The following ASAP1 variants were observed in gnomAD, a reference collection of about 807,000 sequenced individuals.
ASAP1 encodes arf-GAP with SH3 domain, ANK repeat and PH domain-containing protein 1.
In ASAP1, 43 loss-of-function variants were observed where a neutral mutation model predicts 145.2. The observed-to-expected ratio is 0.30, with a 90% confidence interval of 0.23 to 0.38. The LOEUF is 0.38. Among genes scored for constraint, ASAP1 ranks in the 10% least tolerant of loss-of-function variants. ASAP1 has a pLI of 1.00. For missense variants in ASAP1, 1,018 were observed against 1,355.3 expected (o/e 0.75, Z 3.91); for synonymous variants, 546 against 515.5 (o/e 1.06, Z -0.80).
chr8:130,255,516 T>C (rs1429374280), intron 3 of ASAP1, among the ~76,000 whole-genome samples: 8 of 152,230 alleles, frequency 5.3e-5, no homozygotes, highest in Admixed American at 3.9e-4. Flanking sequence ...TGTATCACTC[T>C]GATAGATCAT....
chr8:130,392,705 G>C (rs2138495529), intron 2 of ASAP1, among the ~76,000 whole-genome samples: 1 of 152,262 alleles, frequency 6.6e-6, no homozygotes, highest in South Asian at 2.1e-4. Context: ...CAAGAAGCCA[G>C]CACCTGCTTC....
rs1491261390 is a variant in ASAP1 at position 130,072,791 on chromosome 8, A to ATGTGTGTGTGTGTGTGTGTGTGTGTG, written c.2701+3556_2701+3557insCACACACACACACACACACACACACA. 3.1e-3 allele frequency among the ~76,000 whole-genome samples: 281 copies of ATGTGTGTGTGTGTGTGTGTGTGTGTG among 91,138 alleles called. 5 individuals are homozygous for ATGTGTGTGTGTGTGTGTGTGTGTGTG. Among genetic ancestry groups the ATGTGTGTGTGTGTGTGTGTGTGTGTG allele is most frequent in the Middle Eastern group, 5.9e-3 (1 of 170 alleles). The allele number at this position is 91,138 out of a possible 152,430, so 59.8% of individuals were successfully genotyped here. ...TTCTGAAGGCCTGGACTTGCAATTG[A>ATGTGTGTGTGTGTGTGTGTGTGTGTG]TATGTGTGTGTGTGTGTGTGTGTGT... On this transcript the variant is annotated intron_variant, in intron 27 of 29. Coordinates refer to ENST00000518721, the MANE Select transcript of ASAP1 (RefSeq NM_018482.4).
intron 25 of ASAP1, among the ~76,000 whole-genome samples, chr8:130,091,653 G>T (rs746155987): frequency 1.8e-4 from 28 of 152,164 alleles, no homozygotes; most frequent in Non-Finnish European, 2.4e-4. Flanking sequence ...TGAGGAAAAT[G>T]GATTACTTTG....
chr8:130,432,358 T>C (rs1202697148), intron 1 of ASAP1, among the ~76,000 whole-genome samples: 1 of 152,104 alleles, frequency 6.6e-6, no homozygotes, highest in Non-Finnish European at 1.5e-5. Context: ...GGAAAGGGCA[T>C]TTTGGATGAT....
intron 5 of ASAP1, among the ~76,000 whole-genome samples, chr8:130,209,344 A>G (rs1816431669): frequency 6.6e-6 from 1 of 152,204 alleles, no homozygotes. Flanking sequence ...TGGTTCTCAA[A>G]GTATGGCGCC....
chr8:130,369,158 A>T (rs1431129455), intron 2 of ASAP1, among the ~76,000 whole-genome samples: 1 of 152,232 alleles, frequency 6.6e-6, no homozygotes, highest in Non-Finnish European at 1.5e-5. Flanking sequence ...AGTATTCCTT[A>T]TCTGAAATGC....
At chr8:130,167,125 C>A (rs1169572303) in intron 11 of ASAP1, among the ~76,000 whole-genome samples, 2 of 151,860 alleles carry the variant, frequency 1.3e-5, no homozygotes, top group African/African-American at 4.8e-5. Flanking sequence ...GCAACATGGT[C>A]AAACTCCATC....
chr8:130,350,548 G>A (rs756602267), intron 3 of ASAP1, among the ~76,000 whole-genome samples: 2 of 152,098 alleles, frequency 1.3e-5, no homozygotes, highest in Non-Finnish European at 2.9e-5. Flanking sequence ...AAGATGATTC[G>A]TCCTACACCA....
intron 2 of ASAP1, among the ~76,000 whole-genome samples, chr8:130,369,115 G>A (rs1827096655): frequency 6.6e-6 from 1 of 152,184 alleles, no homozygotes; most frequent in Non-Finnish European, 1.5e-5. Flanking sequence ...ATAACAGAAT[G>A]GGAGAAAATA....
chr8:130,270,374 T>C (rs932616946), intron 3 of ASAP1, among the ~76,000 whole-genome samples: 3 of 152,206 alleles, frequency 2.0e-5, no homozygotes, highest in Non-Finnish European at 4.4e-5. Flanking sequence ...ACCCTTATAA[T>C]TCTGATGATT....
intron 2 of ASAP1, among the ~76,000 whole-genome samples, chr8:130,390,349 G>A (rs1828219599): frequency 6.6e-6 from 1 of 152,222 alleles, no homozygotes; most frequent in Non-Finnish European, 1.5e-5. Flanking sequence ...CTACTGGAAA[G>A]TCTACAAGTC....
intron 13 of ASAP1, among the ~76,000 whole-genome samples, chr8:130,145,263 G>C (rs559727539): frequency 6.6e-6 from 1 of 152,220 alleles, no homozygotes; most frequent in African/African-American, 2.4e-5. Context: ...CTTCAGACTT[G>C]GAATATTTGT....
intron 13 of ASAP1, among the ~76,000 whole-genome samples, chr8:130,144,800 T>C (rs2097623398): frequency 6.6e-6 from 1 of 152,196 alleles, no homozygotes; most frequent in Non-Finnish European, 1.5e-5. Flanking sequence ...ATTTTACTAA[T>C]TTTTTTGTCA....
At chr8:130,316,922 CA>C (rs1294664231) in intron 3 of ASAP1, among the ~76,000 whole-genome samples, 2 of 152,154 alleles carry the variant, frequency 1.3e-5, no homozygotes, top group African/African-American at 4.8e-5. Flanking sequence ...GCAGGCTCTC[CA>C]ACACGACAAC....
At chr8:130,118,855 T>C (rs577887467) in intron 18 of ASAP1, 180 bp from the exon 19 acceptor site, 80 of 392,592 alleles carry the variant, frequency 2.0e-4, no homozygotes, top group Non-Finnish European at 2.8e-4. Flanking sequence ...GAAAATAATA[T>C]ATGTTTACTA....
chr8:130,290,126 G>A (rs751476914), intron 3 of ASAP1, among the ~76,000 whole-genome samples: 2 of 152,042 alleles, frequency 1.3e-5, no homozygotes, highest in Non-Finnish European at 2.9e-5. Context: ...ATAAAAGGGT[G>A]GTCCATAAAT....
At chr8:130,267,188 A>T (rs1014050597) in intron 3 of ASAP1, among the ~76,000 whole-genome samples, 5 of 152,054 alleles carry the variant, frequency 3.3e-5, no homozygotes, top group Non-Finnish European at 7.4e-5. Context: ...CATACACTCC[A>T]GTTGGGGAAA....
intron 3 of ASAP1, among the ~76,000 whole-genome samples, chr8:130,284,431 A>ATTGTAG (rs199903371): frequency 0.02 from 3,015 of 152,276 alleles, 44 homozygotes; most frequent in East Asian, 0.063. Flanking sequence ...CGGGAGTCAA[A>ATTGTAG]TTGTAGTAAC....
chr8:130,232,700 C>T (rs1185853189), intron 4 of ASAP1, among the ~76,000 whole-genome samples: 1 of 151,668 alleles, frequency 6.6e-6, no homozygotes, highest in Non-Finnish European at 1.5e-5. Context: ...AAAAATAATA[C>T]ATTTTAAGAG....
Sources: allele counts gnomAD v4.1 joint callset (sites outside exome capture counted in the v4.1 genomes callset), GRCh38; gene constraint gnomAD v4.1.1; transcripts MANE v1.5; gene names NCBI Gene and HGNC (gene_info 2026-07-23, HGNC 2026-07-21).